The following SRPRA variants were observed in gnomAD, a reference collection of about 807,000 sequenced individuals.
SRPRA encodes SRP receptor subunit alpha, also known as signal recognition particle receptor subunit alpha.
Under a neutral mutation model 61.1 loss-of-function variants are expected in SRPRA, and 30 were observed. The ratio of observed to expected loss-of-function variants is 0.49; its 90% CI spans 0.37 to 0.67. The LOEUF (loss-of-function observed/expected upper bound fraction) is 0.67. SRPRA is among the 30% of genes least tolerant of loss of function. The pLI is 0.00. For synonymous variants in SRPRA, 324 were observed against 299.7 expected (o/e 1.08, Z -0.84); for missense variants, 759 against 828.4 (o/e 0.92, Z 1.03).
the SRPRA span, among the ~76,000 whole-genome samples, chr11:126,249,689 G>A: frequency 3.9e-5 from 5 of 128,532 alleles, no homozygotes; most frequent in Admixed American, 2.1e-4. Flanking sequence ...CCGAGATCAC[G>A]CCACTGCACT....
In SRPRA at chr11:126,268,814, G is replaced by A. The variant is rs1950879839; in HGVS notation, c.-10C>T. On this transcript the variant is annotated 5_prime_UTR_variant, in exon 1 of 14. Coordinates refer to ENST00000332118, the MANE Select transcript of SRPRA (RefSeq NM_003139.4). ...TGAAGAAGTCGAGCATGGCGGCAGCGGCAGAGGAGCTGGGGCCGGCGCCGG... is the reference window on the plus strand; with the variant it reads ...TGAAGAAGTCGAGCATGGCGGCAGCAGCAGAGGAGCTGGGGCCGGCGCCGG... The A allele has an allele frequency of 6.2e-6, 10 of 1,609,146 alleles. No homozygotes were observed. The highest frequency in any genetic ancestry group is 8.5e-6 in the Non-Finnish European group (10 of 1,176,354).
the SRPRA span, among the ~76,000 whole-genome samples, chr11:126,256,389 C>A: frequency 3.3e-5 from 5 of 152,164 alleles, no homozygotes; most frequent in African/African-American, 1.2e-4. The surrounding 1 kb of genome is among the most constrained non-coding windows in gnomAD (Gnocchi z 6.6). Context: ...AAATTTTAGA[C>A]CAATCATCAA....
In SRPRA at chr11:126,263,719, T is replaced by G; in HGVS notation, c.*197A>C. ...CTGGGAGAGGGTCAGTGGGCAGTGA[T>G]TGTAACATGATTAGGCCTTCCTTGC... is the stretch of plus-strand genomic sequence containing the variant. On this transcript the variant is annotated 3_prime_UTR_variant, in exon 14 of 14. Transcript: ENST00000332118. The G allele has an allele frequency of 5.4e-6, 4 of 734,174 alleles. No homozygotes were observed. Among genetic ancestry groups the G allele is most frequent in the South Asian group, 1.9e-5 (1 of 53,520 alleles). 45.5% of individuals were successfully genotyped at this position (734,174 alleles called of 1,614,324 possible). A position where few individuals can be genotyped will look rare whatever the true frequency, so the allele number is the denominator to read the frequency against.
the SRPRA span, among the ~76,000 whole-genome samples, chr11:126,251,036 G>A: frequency 2.0e-5 from 3 of 152,168 alleles, no homozygotes; most frequent in Non-Finnish European, 4.4e-5. Context: ...GTATTCAGTG[G>A]TGTAATATTG....
downstream of SRPRA, chr11:126,260,801 C>G (rs1300294747): frequency 1.3e-5 from 2 of 152,160 alleles, no homozygotes; most frequent in East Asian, 3.8e-4. Context: ...CAGCTTTTTA[C>G]TTTTTCTGAA....
At chr11:126,236,803 G>T in the SRPRA span, among the ~76,000 whole-genome samples, 1 of 147,780 alleles carries the variant, frequency 6.8e-6, no homozygotes, top group Non-Finnish European at 1.5e-5. Flanking sequence ...AGCTTTCTCG[G>T]GGGTTCTCTG....
At chr11:126,236,686 A>G in the SRPRA span, among the ~76,000 whole-genome samples, 2 of 150,950 alleles carry the variant, frequency 1.3e-5, no homozygotes, top group African/African-American at 2.4e-5. Flanking sequence ...TCTATTCCAC[A>G]TTTTTTTAAA....
At chr11:126,249,310 T>TTTACGTTAACC in the SRPRA span, among the ~76,000 whole-genome samples, 1 of 152,340 alleles carries the variant, frequency 6.6e-6, no homozygotes, top group South Asian at 2.1e-4. Flanking sequence ...TATTAAATTG[T>TTTACGTTAACC]TTACGTTAAC....
At chr11:126,240,301 G>A in the SRPRA span, among the ~76,000 whole-genome samples, 2 of 146,890 alleles carry the variant, frequency 1.4e-5, no homozygotes, top group African/African-American at 5.0e-5. Context: ...TGAGGTTAAT[G>A]TTTACAAAAT....
the SRPRA span, among the ~76,000 whole-genome samples, chr11:126,253,696 C>T: frequency 1.2e-4 from 18 of 152,154 alleles, no homozygotes; most frequent in African/African-American, 3.9e-4. The surrounding 1 kb of genome is among the most constrained non-coding windows in gnomAD (Gnocchi z 5.1). Context: ...ATCTGATGGC[C>T]GCACCAGGGC....
Position 126,264,228 on chromosome 11 carries a change from C to A in SRPRA, c.1751G>T (p.Gly584Val). ...SMAQTPRLID[G>V]IVLTKFDTID... ...GGTATCAAATTTGGTAAGAACAATGCCATCAATGAGCCGAGGTGTCTGAGC... is the reference window on the plus strand; with the variant it reads ...GGTATCAAATTTGGTAAGAACAATGACATCAATGAGCCGAGGTGTCTGAGC... The change falls in exon 13 of 14, where the codon GGC becomes GTC. Residue 584 changes from glycine (G) to valine (V), a missense_variant. Physicochemically the swap from Gly to Val is moderately radical, Grantham distance 109. Coordinates refer to ENST00000332118, the MANE Select transcript of SRPRA (RefSeq NM_003139.4). The surrounding 1 kb of genome is among the most constrained non-coding windows in gnomAD (Gnocchi z 5.0). 1.9e-6 allele frequency: 3 copies of A among 1,614,060 alleles called. No individual in the cohort carries two copies. Among genetic ancestry groups the A allele is most frequent in the Non-Finnish European group, 2.5e-6 (3 of 1,180,018 alleles).
chr11:126,254,653 C>T, the SRPRA span, among the ~76,000 whole-genome samples: 1 of 152,108 alleles, frequency 6.6e-6, no homozygotes, highest in African/African-American at 2.4e-5. Flanking sequence ...GGCAACATAG[C>T]GAGACTCTTG....
the SRPRA span, among the ~76,000 whole-genome samples, chr11:126,253,351 C>T: frequency 6.6e-6 from 1 of 152,152 alleles, no homozygotes; most frequent in Non-Finnish European, 1.5e-5. This position sits in a 1 kb window ranked among gnomAD's most constrained non-coding sequence, Gnocchi z 5.1. Context: ...TTTCCTGATT[C>T]ATAGCCTATT....
chr11:126,246,875 T>C, the SRPRA span, among the ~76,000 whole-genome samples: 2 of 152,194 alleles, frequency 1.3e-5, no homozygotes, highest in African/African-American at 4.8e-5. Flanking sequence ...CCTGTTTATG[T>C]TTTCATTCCT....
the SRPRA span, chr11:126,256,521 T>TCAC: frequency 1.3e-6 from 2 of 1,581,778 alleles, no homozygotes; most frequent in Non-Finnish European, 1.7e-6. This position sits in a 1 kb window ranked among gnomAD's most constrained non-coding sequence, Gnocchi z 6.6. Flanking sequence ...AGACTTGCCT[T>TCAC]GAGTGTGTCT....
Position 126,267,678 on chromosome 11 carries a change from A to G in SRPRA, c.236T>C (p.Val79Ala). The change falls in exon 3 of 14, where the codon GTA becomes GCA. Residue 79 changes from valine to alanine, a missense_variant. Coordinates refer to ENST00000332118, the MANE Select transcript of SRPRA (RefSeq NM_003139.4). The surrounding 1 kb of genome is among the most constrained non-coding windows in gnomAD (Gnocchi z 4.2). ...ATGCACGTCATCTATCAATTTGTCTACATATGTCAGTGTCAGGATCTTCTG... is the reference window on the plus strand; with the variant it reads ...ATGCACGTCATCTATCAATTTGTCTGCATATGTCAGTGTCAGGATCTTCTG... The part of the protein sequence containing the change: ...GFQKILTLTY[V>A]DKLIDDVHRL... 1 of 1,614,122 alleles carries G rather than the reference A, an allele frequency of 6.2e-7. No individual in the cohort carries two copies. Among genetic ancestry groups the G allele is most frequent in the Non-Finnish European group, 8.5e-7 (1 of 1,180,030 alleles).
downstream of SRPRA, chr11:126,261,403 G>A: frequency 6.2e-7 from 1 of 1,610,294 alleles, no homozygotes; most frequent in Non-Finnish European, 8.5e-7. Flanking sequence ...TCTAATGTCT[G>A]ATGCTGATGT....
the SRPRA span, chr11:126,250,777 T>C: frequency 6.9e-7 from 1 of 1,440,992 alleles, no homozygotes; most frequent in East Asian, 2.3e-5. The surrounding 1 kb of genome is among the most constrained non-coding windows in gnomAD (Gnocchi z 5.1). Flanking sequence ...TAGTGGATTT[T>C]ATCTTCCTCA....
At chr11:126,236,453 C>T in the SRPRA span, among the ~76,000 whole-genome samples, 2 of 152,076 alleles carry the variant, frequency 1.3e-5, no homozygotes, top group African/African-American at 4.8e-5. Context: ...TGACCTCTTT[C>T]CCTGTTTTTT....
Sources: gnomAD v4.1 joint callset for allele counts (sites outside exome capture counted in the v4.1 genomes callset) on GRCh38, gnomAD v4.1.1 for gene constraint, Gnocchi (gnomAD v3.1) non-coding constraint, MANE v1.5 for transcripts, NCBI Gene and HGNC (gene_info 2026-07-23, HGNC 2026-07-21) for gene names.